MAPK10: variants seen among roughly 807,000 people sequenced by gnomAD.
MAPK10 encodes the protein JNK3 alpha protein kinase.
A neutral mutation model predicts 59.3 loss-of-function variants in MAPK10; 25 were observed. The observed-to-expected ratio is 0.42, with a 90% CI of 0.31 to 0.59. The LOEUF is 0.59. MAPK10 is among the 20% of genes least tolerant of loss of function. The pLI, the probability that MAPK10 is intolerant of heterozygous loss-of-function variation, is 0.15. For missense variants in MAPK10, 351 were observed against 568.9 expected (o/e 0.62, Z 3.90); for synonymous variants, 190 against 200.5 (o/e 0.95, Z 0.44).
intron 1 of MAPK10, among the ~76,000 whole-genome samples, chr4:86,528,224 G>T (rs368589921): frequency 6.6e-6 from 1 of 152,008 alleles, no homozygotes; most frequent in African/African-American, 2.4e-5. Context: ...TGTAACCATA[G>T]AATGTGGAAA....
chr4:86,537,634 T>C (rs1758349597), intron 1 of MAPK10, among the ~76,000 whole-genome samples: 1 of 152,076 alleles, frequency 6.6e-6, no homozygotes, highest in African/African-American at 2.4e-5. Flanking sequence ...TGAGAAATAT[T>C]TTTGGTTCTA....
At chr4:86,552,135 A>G (rs1198511252) in intron 1 of MAPK10, among the ~76,000 whole-genome samples, 1 of 151,738 alleles carries the variant, frequency 6.6e-6, no homozygotes, top group East Asian at 2.0e-4. Flanking sequence ...ACAGGGAGAA[A>G]GAGGTCAGGC....
In MAPK10 at chr4:86,240,662, G is replaced by A. The variant is rs116942450; in HGVS notation, c.-6-46255C>T. On this transcript the variant is annotated intron_variant, in intron 2 of 13. Transcript: ENST00000641462. ...TTGTCAAAGACTAGGATTGCAACCC[G>A]TGCCTTTTTATTTTTTTCCATTTTG... Among the ~76,000 whole-genome samples, 713 of 149,888 alleles carry A rather than the reference G, an allele frequency of 4.8e-3. 8 individuals are homozygous for A. The highest frequency in any genetic ancestry group is 0.044 in the East Asian group (226 of 5,176).
chr4:86,255,282 A>G (rs2093658349), intron 2 of MAPK10, among the ~76,000 whole-genome samples: 1 of 152,086 alleles, frequency 6.6e-6, no homozygotes, highest in Non-Finnish European at 1.5e-5. Flanking sequence ...ATTGTGCTCT[A>G]TAGAGTTTTC....
intron 1 of MAPK10, among the ~76,000 whole-genome samples, chr4:86,562,499 G>A (rs1760751977): frequency 6.6e-6 from 1 of 151,922 alleles, no homozygotes; most frequent in Non-Finnish European, 1.5e-5. Context: ...GACCAGCCTG[G>A]GCAACATAAG....
chr4:86,333,205 C>T (rs549273015), intron 2 of MAPK10, among the ~76,000 whole-genome samples: 21 of 152,236 alleles, frequency 1.4e-4, no homozygotes, highest in Non-Finnish European at 2.5e-4. Context: ...TTCTAGAAAA[C>T]GATTTCTAGA....
At chr4:86,076,449 T>C (rs1010195024) in intron 9 of MAPK10, among the ~76,000 whole-genome samples, 3 of 152,220 alleles carry the variant, frequency 2.0e-5, no homozygotes, top group South Asian at 2.1e-4. Context: ...ACAATTAACC[T>C]AACATAAACG....
intron 2 of MAPK10, among the ~76,000 whole-genome samples, chr4:86,316,688 C>T (rs1353739703): frequency 6.6e-6 from 1 of 152,056 alleles, no homozygotes; most frequent in East Asian, 1.9e-4. Flanking sequence ...AGAAAATGGT[C>T]ATTGACTAAG....
chr4:86,032,403 G>A (rs549105317), intron 11 of MAPK10: 2 of 152,212 alleles, frequency 1.3e-5, no homozygotes, highest in African/African-American at 2.4e-5. Flanking sequence ...AGGAGGCTGA[G>A]GGGCTACACT....
intron 1 of MAPK10, among the ~76,000 whole-genome samples, chr4:86,436,782 C>T: frequency 6.6e-6 from 1 of 152,048 alleles, no homozygotes. Context: ...TATCTTCCTT[C>T]CCAATACCTA....
At chr4:86,285,890 G>C (rs2094987529) in intron 2 of MAPK10, among the ~76,000 whole-genome samples, 1 of 152,154 alleles carries the variant, frequency 6.6e-6, no homozygotes. Context: ...ATGTCTGAGG[G>C]CAGAAGAGGA....
At chr4:86,353,143 G>C (rs963311382) in intron 2 of MAPK10, among the ~76,000 whole-genome samples, 4 of 107,768 alleles carry the variant, frequency 3.7e-5, no homozygotes, top group African/African-American at 1.3e-4. Flanking sequence ...ATCCGTGGTA[G>C]AGTCTCCTCT....
In MAPK10 at chr4:86,458,299, C is replaced by CAA. The variant is rs151181834; in HGVS notation, c.-262-103657_-262-103656dup. Reference sequence around the variant, plus strand: ...TGGGTGACAGAGCAAGACTCTGTCTCAAAAAAAAAAAAAACTAGCCGGGCG... The same window carrying CAA: ...TGGGTGACAGAGCAAGACTCTGTCTCAAAAAAAAAAAAAAAACTAGCCGGGCG... On this transcript the variant is annotated intron_variant, in intron 1 of 4. Transcript: ENST00000502302. Among the ~76,000 whole-genome samples the CAA allele has an allele frequency of 2.4e-3, 288 of 118,100 alleles. 2 individuals are homozygous for CAA. The highest frequency in any genetic ancestry group is 6.8e-3 in the African/African-American group (212 of 31,074). 77.5% of individuals were successfully genotyped at this position (118,100 alleles called of 152,430 possible).
At chr4:86,199,721 A>G (rs1230207689) in intron 2 of MAPK10, among the ~76,000 whole-genome samples, 1 of 152,068 alleles carries the variant, frequency 6.6e-6, no homozygotes, top group Non-Finnish European at 1.5e-5. Context: ...CATATGAAAC[A>G]TATATTATTG....
At position 86,578,160 on chromosome 4, in the gene MAPK10, T is replaced by C. The variant is rs1253016847; in HGVS notation, c.-263+15750A>G. Among the ~76,000 whole-genome samples, 5 of 152,222 alleles carry C rather than the reference T, an allele frequency of 3.3e-5. No homozygotes were observed. In the East Asian group the frequency reaches 9.7e-4, roughly 29 times the overall value. Reference sequence around the variant, plus strand: ...CCCAACCCCAGGGGACATTTGGCAATACCTAGAGACATTTTTAGTTGTTAT... The same window carrying C: ...CCCAACCCCAGGGGACATTTGGCAACACCTAGAGACATTTTTAGTTGTTAT... On this transcript the variant is annotated intron_variant, in intron 1 of 4. Coordinates refer to the MAPK10 transcript ENST00000502302.
intron 1 of MAPK10, among the ~76,000 whole-genome samples, chr4:86,355,723 A>C (rs977267586): frequency 2.6e-5 from 4 of 152,198 alleles, no homozygotes; most frequent in Admixed American, 1.3e-4. Flanking sequence ...TTAGTAGAGA[A>C]TACAGGTAAT....
intron 13 of MAPK10, among the ~76,000 whole-genome samples, chr4:86,018,795 A>T (rs1400363373): frequency 2.6e-5 from 4 of 152,386 alleles, no homozygotes; most frequent in Non-Finnish European, 4.4e-5. Flanking sequence ...CACTAAAATT[A>T]TATCTTATTT....
intron 2 of MAPK10, among the ~76,000 whole-genome samples, chr4:86,351,390 TACACAAAC>T (rs146520063): frequency 0.024 from 2,689 of 110,374 alleles, 48 homozygotes; most frequent in East Asian, 0.12. Context: ...ACAGTGTGTA[TACACAAAC>T]ACACACACAC....
chr4:86,071,868 A>G lies in MAPK10; in HGVS notation c.803-3913T>C, dbSNP rs1327397512. On this transcript the variant is annotated intron_variant, in intron 9 of 13. Coordinates refer to ENST00000641462, the MANE Select transcript of MAPK10 (RefSeq NM_138982.4). ...TCTTTTGGCTTAGGATTGACTTGGC[A>G]ATGCGGGCTCTTTTTTGGTTCCATA... 2.0e-3 allele frequency among the ~76,000 whole-genome samples: 297 copies of G among 145,912 alleles called. 3 individuals are homozygous for G. Among genetic ancestry groups the G allele is most frequent in the African/African-American group, 7.2e-3 (277 of 38,338 alleles).
Sources: gnomAD v4.1 joint callset for allele counts (sites outside exome capture counted in the v4.1 genomes callset) on GRCh38, gnomAD v4.1.1 for gene constraint, MANE v1.5 for transcripts, NCBI Gene and HGNC (gene_info 2026-07-23, HGNC 2026-07-21) for gene names.